The following ZC3H3 variants were observed in gnomAD, a reference collection of about 807,000 sequenced individuals.
The protein encoded by ZC3H3 is zinc finger CCCH-type containing 3.
A neutral mutation model predicts 77.3 loss-of-function variants in ZC3H3; 36 were observed. The ratio of observed to expected loss-of-function variants is 0.47; its 90% confidence interval spans 0.36 to 0.61. The LOEUF is 0.61. Ranked by LOEUF, ZC3H3 falls within the 20% of genes least tolerant of loss-of-function variation. The pLI, the probability that ZC3H3 is intolerant of heterozygous loss-of-function variation, is 0.00. For missense variants in ZC3H3, 1,331 were observed against 1,312.2 expected (o/e 1.01, Z -0.22); for synonymous variants, 626 against 555.2 (o/e 1.13, Z -1.79).
intron 3 of ZC3H3, among the ~76,000 whole-genome samples, chr8:143,513,657 C>T (rs939059101): frequency 2.0e-5 from 3 of 152,206 alleles, no homozygotes; most frequent in Non-Finnish European, 2.9e-5. Context: ...TGGGGTACAG[C>T]GCCTGCTACT....
chr8:143,497,296 G>A (rs945209845), intron 4 of ZC3H3, among the ~76,000 whole-genome samples: 1 of 152,172 alleles, frequency 6.6e-6, no homozygotes, highest in Non-Finnish European at 1.5e-5. Flanking sequence ...ACCCAGGCCT[G>A]CCCCAAGGCT....
chr8:143,454,354 G>A (rs2129825924), intron 9 of ZC3H3, among the ~76,000 whole-genome samples: 1 of 151,512 alleles, frequency 6.6e-6, no homozygotes, highest in African/African-American at 2.4e-5. Flanking sequence ...GCCTTCCAAA[G>A]TGCTGGGATT....
chr8:143,507,438 C>A (rs1821736741), intron 4 of ZC3H3, among the ~76,000 whole-genome samples: 1 of 152,272 alleles, frequency 6.6e-6, no homozygotes, highest in Admixed American at 6.5e-5. Context: ...GTCTGGGCAG[C>A]AGAAGCTTTC....
At chr8:143,438,184 G>C (rs1819634657) in intron 11 of ZC3H3, 97 bp from the exon 12 acceptor site, 1 of 1,468,828 alleles carries the variant, frequency 6.8e-7, no homozygotes, top group Non-Finnish European at 9.3e-7. Flanking sequence ...GGGGGGCTCT[G>C]TCAGCCCAAG....
rs1244995181 is a variant in ZC3H3, at chr8:143,533,685, C to CTTT, written c.1561+2569_1561+2571dup. 1.6e-5 allele frequency among the ~76,000 whole-genome samples: 2 copies of CTTT among 128,720 alleles called. No homozygotes were observed. Among genetic ancestry groups the CTTT allele is most frequent in the African/African-American group, 2.9e-5 (1 of 34,812 alleles). The allele number at this position is 128,720 out of a possible 152,430, so 84.4% of individuals were successfully genotyped here. A position where few individuals can be genotyped will look rare whatever the true frequency, so the allele number is the denominator to read the frequency against. ...CACTCCATGCAGCCGCCACGCTGGT[C>CTTT]TTTTTTTTTTTTTTTTTTTGAGACA... On this transcript the variant is annotated intron_variant, in intron 3 of 11. Transcript: ENST00000262577. This position sits in a 1 kb window ranked among gnomAD's most constrained non-coding sequence, Gnocchi z 4.0.
chr8:143,484,603 G>A (rs1820999887), intron 4 of ZC3H3: 1 of 161,578 alleles, frequency 6.2e-6, no homozygotes, highest in Non-Finnish European at 1.4e-5. Context: ...TGGCCCCGGA[G>A]TGCCGAGTTC....
In ZC3H3 at chr8:143,538,528, C is replaced by T. The variant is rs1286315976; in HGVS notation, c.839G>A (p.Gly280Glu). 6.2e-7 allele frequency: 1 copy of T among 1,612,248 alleles called. No individual in the cohort carries two copies. ...TCCTGAGGCCGGTCTGGCGGGGCCC[C>T]CCACTGAGCCAGACGGAACTGGCTG... is the stretch of plus-strand genomic sequence containing the variant. ...TDQPVPSGSV[G>E]GPARPASGPR... is the part of the protein sequence containing the mutation. Residue 280 changes from glycine to glutamate, a missense_variant, in exon 2 of 12, where the codon GGG becomes GAG. By Grantham distance (98) the Gly-to-Glu change is moderately conservative (BLOSUM62 -2). This residue lies in a region of ZC3H3 where 978 missense variants were observed against 915.5 expected (regional missense o/e 1.07). Coordinates refer to ENST00000262577, the MANE Select transcript of ZC3H3 (RefSeq NM_015117.3).
chr8:143,539,330 C>T lies in ZC3H3; in HGVS notation c.47-10G>A. 6.3e-7 allele frequency: 1 copy of T among 1,587,334 alleles called. No individual in the cohort carries two copies. Among genetic ancestry groups the T allele is most frequent in the Non-Finnish European group, 8.6e-7 (1 of 1,166,606 alleles). On this transcript the variant is annotated splice_polypyrimidine_tract_variant and intron_variant, in intron 1 of 11. Transcript: ENST00000262577. The stretch of plus-strand genomic sequence containing the variant: ...TAGTCATCAATCAGACCTGAGAAGA[C>T]AGAACCACAGGCCCAGTTAGCCAGA...
intron 1 of ZC3H3, among the ~76,000 whole-genome samples, chr8:143,539,917 C>G (rs536476632): frequency 1.3e-5 from 2 of 152,376 alleles, no homozygotes; most frequent in East Asian, 3.9e-4. Context: ...GACACAACCA[C>G]AGGACTTTCC....
intron 1 of ZC3H3, 62 bp downstream of exon 1, chr8:143,541,314 G>T: frequency 1.3e-6 from 2 of 1,599,194 alleles, no homozygotes; most frequent in Non-Finnish European, 1.7e-6. Flanking sequence ...AGGGGGCAGG[G>T]GACCCGCCGC....
intron 3 of ZC3H3, among the ~76,000 whole-genome samples, chr8:143,526,613 C>T (rs570280090): frequency 1.3e-5 from 2 of 152,292 alleles, no homozygotes; most frequent in African/African-American, 2.4e-5. Context: ...CAGGGGCCCT[C>T]AGGCAAGGGT....
At chr8:143,464,873 G>C (rs1820365150) in intron 9 of ZC3H3, among the ~76,000 whole-genome samples, 1 of 152,134 alleles carries the variant, frequency 6.6e-6, no homozygotes, top group African/African-American at 2.4e-5. Context: ...CAAGCCTTAG[G>C]CCAGGTGCAG....
chr8:143,482,212 C>T (rs922839792), intron 4 of ZC3H3, among the ~76,000 whole-genome samples: 2 of 152,214 alleles, frequency 1.3e-5, no homozygotes, highest in Admixed American at 6.5e-5. Context: ...TCCCTCCTGG[C>T]GCCAGGTCTT....
intron 3 of ZC3H3, among the ~76,000 whole-genome samples, chr8:143,514,246 C>T (rs986208266): frequency 6.6e-6 from 1 of 152,130 alleles, no homozygotes; most frequent in Admixed American, 6.5e-5. Flanking sequence ...CAAGTGCCAC[C>T]GTGAGGTCCA....
Position 143,440,990 on chromosome 8 carries a change from G to A in ZC3H3, c.2438C>T (p.Pro813Leu), listed in dbSNP as rs1819725861. The change falls in exon 10 of 12, where the codon CCA becomes CTA. Residue 813 changes from proline (P) to leucine (L), a missense_variant. By Grantham distance (98) the Pro-to-Leu change is moderately conservative. Transcript: ENST00000262577. Reference protein sequence around the residue: ...HSRRAATSPAPGPSDATARSR... With the variant: ...HSRRAATSPALGPSDATARSR... ...CCTGGCGGTTGCGTCGCTGGGCCCT[G>A]GGGCGGGGGACGTGGCTGCCCGCCG... The A allele has an allele frequency of 6.8e-7, 1 of 1,467,160 alleles. No homozygotes were observed. The highest frequency in any genetic ancestry group is 2.7e-5 in the Admixed American group (1 of 36,726). 90.9% of individuals were successfully genotyped at this position (1,467,160 alleles called of 1,614,324 possible).
Position 143,475,460 on chromosome 8 carries a change from T to C in ZC3H3, c.1841A>G (p.Asn614Ser). 6.2e-7 allele frequency: 1 copy of C among 1,613,174 alleles called. No homozygotes were observed. Residue 614 changes from asparagine to serine, a missense_variant, in exon 5 of 12, where the codon AAC becomes AGC. Around this residue, in one of 3 missense-constraint regions of ZC3H3, gnomAD observed 978 missense variants for 915.5 expected, o/e 1.07. Transcript: ENST00000262577. ...CTGGCCGGAGGTCTTGGAGAGCTTGTTGGCAGATACTTTGTAGAGGACCCC... is the reference window on the plus strand; with the variant it reads ...CTGGCCGGAGGTCTTGGAGAGCTTGCTGGCAGATACTTTGTAGAGGACCCC... ...IGGVLYKVSANKLSKTSGQPS... is the reference protein window; with the variant it reads ...IGGVLYKVSASKLSKTSGQPS...
chr8:143,508,399 C>T (rs2980275), intron 3 of ZC3H3, among the ~76,000 whole-genome samples: 4 of 152,192 alleles, frequency 2.6e-5, no homozygotes, highest in East Asian at 1.9e-4. Flanking sequence ...CCTCCTCAAG[C>T]GGCACCTCCT....
chr8:143,512,130 C>A (rs1348624852), intron 3 of ZC3H3, among the ~76,000 whole-genome samples: 1 of 152,228 alleles, frequency 6.6e-6, no homozygotes, highest in African/African-American at 2.4e-5. Flanking sequence ...CAGCCCAGAC[C>A]CTGCATGCAA....
chr8:143,440,910 A>G, intron 10 of ZC3H3, 26 bp downstream of exon 10: 1 of 1,403,378 alleles, frequency 7.1e-7, no homozygotes, highest in Non-Finnish European at 9.2e-7. Flanking sequence ...CCAGGCTCAC[A>G]TGCACAGTGC....
Sources: allele counts gnomAD v4.1 joint callset (sites outside exome capture counted in the v4.1 genomes callset), GRCh38; gene constraint gnomAD v4.1.1; regional missense constraint gnomAD v4.1.1; non-coding constraint Gnocchi (gnomAD v3.1); transcripts MANE v1.5; gene names NCBI Gene and HGNC (gene_info 2026-07-23, HGNC 2026-07-21).